INTS6L: variants seen among roughly 807,000 people sequenced by gnomAD.
INTS6L encodes the protein integrator complex subunit 6-like.
Under a neutral mutation model 64.7 loss-of-function variants are expected in INTS6L, and 18 were observed. That is an observed-to-expected ratio of 0.28 (90% CI 0.19 to 0.41). The LOEUF (loss-of-function observed/expected upper bound fraction) is 0.41, where lower values mean the gene tolerates loss of function less well. Among genes scored for constraint, INTS6L ranks in the 10% least tolerant of loss-of-function variants. The probability of loss-of-function intolerance (pLI) is 1.00; values close to 1 mark genes in which losing one functional copy is unlikely to be tolerated. For missense variants in INTS6L, 533 were observed against 661.0 expected, an observed-to-expected ratio of 0.81 and a Z score of 2.12; for synonymous variants, 227 against 235.9, an observed-to-expected ratio of 0.96 and a Z score of 0.34.
At chrX:135,565,827 C>T (rs1556524616) in intron 9 of INTS6L, among the ~76,000 whole-genome samples, 3 of 111,741 alleles carry the variant, frequency 2.7e-5, no homozygotes, top group East Asian at 5.6e-4. Flanking sequence ...GTTCCCTAAT[C>T]CCATACATTC....
At chrX:135,564,541 G>A (rs996614098) in intron 9 of INTS6L, among the ~76,000 whole-genome samples, 3 of 109,792 alleles carry the variant, frequency 2.7e-5, no homozygotes, top group Non-Finnish European at 5.7e-5. Flanking sequence ...AGACTAGCCT[G>A]GCCAACATGG....
Position 135,552,133 on chromosome X carries a change from A to G in INTS6L, c.1046A>G (p.His349Arg), listed in dbSNP as rs782321022. ...TATATCTTGGAACGAAAGTCTCCCC[A>G]TACCTGCTGGCAGGTACTTATCCTT... is the stretch of plus-strand genomic sequence containing the variant. ...TQYILERKSP[H>R]TCWQVFVTSS... Residue 349 changes from histidine (H) to arginine (R), a missense_variant, in exon 8 of 18, where the codon CAT becomes CGT. By Grantham distance (29) the His-to-Arg change is conservative. Transcript: ENST00000639893. 3 of 1,196,056 alleles carry G rather than the reference A, an allele frequency of 2.5e-6. No homozygotes were observed. Among genetic ancestry groups the G allele is most frequent in the Admixed American group, 2.3e-5 (1 of 42,754 alleles).
At chrX:135,563,483 T>G (rs2086837423) in intron 9 of INTS6L, among the ~76,000 whole-genome samples, 1 of 108,686 alleles carries the variant, frequency 9.2e-6, no homozygotes, top group Admixed American at 9.9e-5. Context: ...GAACATCCTT[T>G]AGCTGTTTTT....
rs549201073 is a variant in INTS6L, at chrX:135,544,439, T to A, written c.190-984T>A. On this transcript the variant is annotated intron_variant, in intron 2 of 17. Transcript: ENST00000639893. ...TCAAATGGTTTGGTTTATCTCGGTA[T>A]CATTTGCTCTTGTTTTCCACCTCTA... Among the ~76,000 whole-genome samples the A allele has an allele frequency of 7.1e-5, 8 of 111,904 alleles. No homozygotes were observed. In the South Asian group the frequency reaches 3.1e-3, roughly 43 times the overall value.
rs1204200961 is a variant in INTS6L at position 135,520,680 on chromosome X, G to A, written c.-313G>A. The A allele has an allele frequency of 3.4e-6, 1 of 296,333 alleles. No homozygotes were observed. Among genetic ancestry groups the A allele is most frequent in the Non-Finnish European group, 6.0e-6 (1 of 166,758 alleles). The allele number at this position is 296,333 out of a possible 1,213,427, so 24.4% of individuals were successfully genotyped here. ...CGCTCAGTCTGGGGCGAGCGCTCTA[G>A]TGAGCGCGGACGGATGCTTAGGCAG... On this transcript the variant is annotated 5_prime_UTR_variant, in exon 1 of 18. In the 5' UTR this introduces an upstream ATG that the reference lacks. Transcript: ENST00000639893.
chrX:135,569,473 T>C, intron 10 of INTS6L, 42 bp downstream of exon 10: 1 of 847,608 alleles, frequency 1.2e-6, no homozygotes, highest in Non-Finnish European at 1.6e-6. Context: ...GTATCAATGA[T>C]AATTCTTGTC....
intron 2 of INTS6L, among the ~76,000 whole-genome samples, chrX:135,528,130 C>T (rs1360540502): frequency 9.0e-6 from 1 of 110,948 alleles, no homozygotes; most frequent in Non-Finnish European, 1.9e-5. Context: ...TAAACATGGC[C>T]TCCTCCCGGT....
intron 9 of INTS6L, among the ~76,000 whole-genome samples, chrX:135,565,032 A>T (rs1351387656): frequency 9.0e-6 from 1 of 111,363 alleles, no homozygotes; most frequent in African/African-American, 3.3e-5. Flanking sequence ...TCCTGGCTGG[A>T]AGAGATAGGA....
chrX:135,544,160 C>T (rs1327206122), intron 2 of INTS6L, among the ~76,000 whole-genome samples: 1 of 111,887 alleles, frequency 8.9e-6, no homozygotes, highest in Non-Finnish European at 1.9e-5. Context: ...AAGGTGGTAT[C>T]ATTCTCAGCC....
chrX:135,562,612 T>C (rs782477952), intron 9 of INTS6L, among the ~76,000 whole-genome samples: 2 of 112,152 alleles, frequency 1.8e-5, no homozygotes, highest in Non-Finnish European at 3.8e-5. Flanking sequence ...CCAACTATAA[T>C]TGTGGATTTG....
At chrX:135,580,194 C>A in intron 16 of INTS6L, 32 bp downstream of exon 16, 1 of 1,151,304 alleles carries the variant, frequency 8.7e-7, no homozygotes, top group African/African-American at 1.8e-5. Context: ...ATCAATAATG[C>A]ACCAGGAGGT....
intron 9 of INTS6L, among the ~76,000 whole-genome samples, chrX:135,569,070 A>G (rs1456913004): frequency 1.8e-5 from 2 of 112,366 alleles, no homozygotes; most frequent in African/African-American, 6.5e-5. Context: ...AAATATTTCA[A>G]GTGGATCAAA....
At chrX:135,576,717 A>G (rs1490016479) in intron 14 of INTS6L, among the ~76,000 whole-genome samples, 2 of 111,960 alleles carry the variant, frequency 1.8e-5, no homozygotes, top group East Asian at 2.8e-4. Flanking sequence ...GCCTTTCAAC[A>G]CGTACATGTA....
intron 16 of INTS6L, among the ~76,000 whole-genome samples, chrX:135,580,669 T>C (rs1556533959): frequency 1.8e-5 from 2 of 112,650 alleles, no homozygotes; most frequent in African/African-American, 6.5e-5. Flanking sequence ...ACCTTAACTC[T>C]ACTGTTTCAT....
intron 2 of INTS6L, among the ~76,000 whole-genome samples, chrX:135,542,303 C>T (rs782387528): frequency 9.0e-6 from 1 of 111,033 alleles, no homozygotes; most frequent in South Asian, 3.8e-4. Flanking sequence ...TTCAAGACTG[C>T]CCTGGGCAAC....
intron 8 of INTS6L, among the ~76,000 whole-genome samples, chrX:135,554,046 T>C (rs2086576783): frequency 8.9e-6 from 1 of 111,759 alleles, no homozygotes; most frequent in South Asian, 3.7e-4. Flanking sequence ...GCCAGGAAAT[T>C]TGGCAAAACC....
intron 9 of INTS6L, among the ~76,000 whole-genome samples, chrX:135,567,135 A>G (rs1258169610): frequency 2.7e-5 from 3 of 111,901 alleles, no homozygotes; most frequent in African/African-American, 6.5e-5. Context: ...ACAAAAGGCA[A>G]TTTCTCCAAA....
chrX:135,538,798 C>T (rs1251266532), intron 2 of INTS6L, among the ~76,000 whole-genome samples: 1 of 112,596 alleles, frequency 8.9e-6, no homozygotes, highest in Non-Finnish European at 1.9e-5. Context: ...ATGACAACAA[C>T]ATTGATCTCC....
intron 2 of INTS6L, among the ~76,000 whole-genome samples, chrX:135,523,201 A>G (rs1408552412): frequency 9.3e-6 from 1 of 107,183 alleles, no homozygotes; most frequent in African/African-American, 3.4e-5. Context: ...CCTGGGCAAC[A>G]TGGTGAAACC....
Sources: gnomAD v4.1 joint callset for allele counts (sites outside exome capture counted in the v4.1 genomes callset) on GRCh38, gnomAD v4.1.1 for gene constraint, MANE v1.5 for transcripts, NCBI Gene and HGNC (gene_info 2026-07-23, HGNC 2026-07-21) for gene names.